SLC37A2: variants seen among roughly 807,000 people sequenced by gnomAD.
The protein encoded by SLC37A2 is glucose-6-phosphate exchanger SLC37A2.
A neutral mutation model predicts 70.7 loss-of-function variants in SLC37A2; 59 were observed. The observed-to-expected ratio is 0.83, with a 90% CI of 0.68 to 1.04. The LOEUF (loss-of-function observed/expected upper bound fraction) is 1.04. Ranked by LOEUF, SLC37A2 falls within the 50% of genes least tolerant of loss-of-function variation. The pLI is 0.00. For missense variants in SLC37A2, 580 were observed against 658.1 expected, an observed-to-expected ratio of 0.88 and a Z score of 1.30; for synonymous variants, 257 against 262.1, an observed-to-expected ratio of 0.98 and a Z score of 0.19.
chr11:125,071,877 T>C (rs1355191220), intron 1 of SLC37A2, among the ~76,000 whole-genome samples: 1 of 152,158 alleles, frequency 6.6e-6, no homozygotes, highest in Non-Finnish European at 1.5e-5. Flanking sequence ...CTGTCACCAT[T>C]GACCCTAGCT....
Position 125,080,522 on chromosome 11 carries a change from C to T in SLC37A2, c.528-92C>T, listed in dbSNP as rs1949134590. 1.6e-6 allele frequency: 2 copies of T among 1,253,598 alleles called. No homozygotes were observed. Among genetic ancestry groups the T allele is most frequent in the African/African-American group, 1.5e-5 (1 of 64,798 alleles). 77.7% of individuals were successfully genotyped at this position (1,253,598 alleles called of 1,614,324 possible). The stretch of plus-strand genomic sequence containing the variant: ...GTGCCTCGGGGAAGCTGTAGTCAGC[C>T]CAGCTTTAGAGCTTGGCTGGGGCAG... On this transcript the variant is annotated intron_variant, in intron 6 of 17. Coordinates refer to ENST00000403796, the MANE Select transcript of SLC37A2 (RefSeq NM_001145290.2). This position sits in a 1 kb window ranked among gnomAD's most constrained non-coding sequence, Gnocchi z 4.3.
intron 16 of SLC37A2, 110 bp downstream of exon 16, chr11:125,085,784 C>A: frequency 7.6e-7 from 1 of 1,318,910 alleles, no homozygotes; most frequent in Non-Finnish European, 1.1e-6. Context: ...GCAATGAGAG[C>A]AGCTGCCCTT....
chr11:125,072,373 G>T (rs73024305), intron 1 of SLC37A2, among the ~76,000 whole-genome samples: 3 of 152,134 alleles, frequency 2.0e-5, no homozygotes, highest in Non-Finnish European at 4.4e-5. Flanking sequence ...TATCCGGTGG[G>T]GGGGAGGTGG....
chr11:125,085,347 T>A (rs968108696), intron 14 of SLC37A2, 48 bp from the exon 15 acceptor site: 1 of 1,577,522 alleles, frequency 6.3e-7, no homozygotes, highest in Non-Finnish European at 8.7e-7. Context: ...CTGGTTCTGC[T>A]CATGCTGCTG....
At chr11:125,087,987 C>T in intron 17 of SLC37A2, 132 bp from the exon 18 acceptor site, 1 of 950,116 alleles carries the variant, frequency 1.1e-6, no homozygotes. Flanking sequence ...GAAAGGGAGG[C>T]CTCATTACAG....
intron 1 of SLC37A2, among the ~76,000 whole-genome samples, chr11:125,073,745 C>A (rs1949053093): frequency 6.6e-6 from 1 of 152,266 alleles, no homozygotes; most frequent in Non-Finnish European, 1.5e-5. Context: ...ACATCCACCA[C>A]CTGGGTTCCC....
chr11:125,073,166 A>G (rs566357142), intron 1 of SLC37A2, among the ~76,000 whole-genome samples: 1 of 152,156 alleles, frequency 6.6e-6, no homozygotes, highest in Non-Finnish European at 1.5e-5. Context: ...GTCAGGATGC[A>G]CGTGGGGACC....
Position 125,083,743 on chromosome 11 carries a change from G to A in SLC37A2, c.977-72G>A. On this transcript the variant is annotated intron_variant, in intron 10 of 17. Transcript: ENST00000403796. This position sits in a 1 kb window ranked among gnomAD's most constrained non-coding sequence, Gnocchi z 4.6. The stretch of plus-strand genomic sequence containing the variant: ...AGTGGTCTGGATCACGCTCTGCAGG[G>A]CTTCTAGCTGTGACACTCCAGGATG... The A allele has an allele frequency of 7.4e-7, 1 of 1,355,142 alleles. No homozygotes were observed. 83.9% of individuals were successfully genotyped at this position (1,355,142 alleles called of 1,614,324 possible).
rs1949205063 is a variant in SLC37A2 at position 125,085,674 on chromosome 11, G to A, written c.1425G>A (p.Leu475=). 2 of 1,612,132 alleles carry A rather than the reference G, an allele frequency of 1.2e-6. No homozygotes were observed. The highest frequency in any genetic ancestry group is 1.1e-5 in the South Asian group (1 of 91,080). ...MLISADVLAC[L]LLCRLVYKEI... Reference sequence around the variant, plus strand: ...TCTCTGCCGACGTCCTAGCCTGCTTGGTAAGAGTCTTGGGGTACACAGATA... The same window carrying A: ...TCTCTGCCGACGTCCTAGCCTGCTTAGTAAGAGTCTTGGGGTACACAGATA... The change falls in exon 16 of 18, where the codon TTG becomes TTA. Residue 475 remains leucine, a splice_region_variant and synonymous_variant. Coordinates refer to ENST00000403796, the MANE Select transcript of SLC37A2 (RefSeq NM_001145290.2).
intron 1 of SLC37A2, among the ~76,000 whole-genome samples, chr11:125,065,106 C>T (rs1303124362): frequency 6.6e-6 from 1 of 152,182 alleles, no homozygotes; most frequent in Non-Finnish European, 1.5e-5. Flanking sequence ...CAGTTACCTA[C>T]CACTTCAAAG....
intron 13 of SLC37A2, 75 bp downstream of exon 13, chr11:125,084,948 G>C: frequency 1.9e-6 from 3 of 1,596,046 alleles, no homozygotes; most frequent in Non-Finnish European, 2.6e-6. Flanking sequence ...GCTGGCCCAC[G>C]GGGGGCACTG....
At chr11:125,081,383 G>T (rs745736373) in intron 7 of SLC37A2, 38 bp from the exon 8 acceptor site, 1 of 1,590,914 alleles carries the variant, frequency 6.3e-7, no homozygotes, top group Admixed American at 1.7e-5. Context: ...GGGGGGCGGG[G>T]GTTGGGAAAC....
In SLC37A2 at chr11:125,080,493, T is replaced by C; in HGVS notation, c.528-121T>C. On this transcript the variant is annotated intron_variant, in intron 6 of 17. Transcript: ENST00000403796. This position sits in a 1 kb window ranked among gnomAD's most constrained non-coding sequence, Gnocchi z 4.3. ...GCTGACTTGGGGCTTTGGGGCTGTC[T>C]TTGGTGCCTCGGGGAAGCTGTAGTC... The C allele has an allele frequency of 1.0e-6, 1 of 967,792 alleles. No homozygotes were observed. Among genetic ancestry groups the C allele is most frequent in the Non-Finnish European group, 1.4e-6 (1 of 711,596 alleles). 60.0% of individuals were successfully genotyped at this position (967,792 alleles called of 1,614,324 possible).
chr11:125,084,742 A>G, intron 12 of SLC37A2, 83 bp from the exon 13 acceptor site: 1 of 1,415,862 alleles, frequency 7.1e-7, no homozygotes, highest in East Asian at 2.3e-5. Flanking sequence ...GTTTCAGGGC[A>G]GGAGATGGTT....
At position 125,083,472 on chromosome 11, in the gene SLC37A2, GAA is replaced by G; in HGVS notation, c.977-341_977-340del. ...GCTGCTAGGGCCGGAGTGAAGCAGA[GAA>G]AGGGCTGGGCTGAGCTTCAGGTTGC... On this transcript the variant is annotated intron_variant, in intron 10 of 17. Transcript: ENST00000403796. The surrounding 1 kb of genome is among the most constrained non-coding windows in gnomAD (Gnocchi z 4.6). 1 of 257,246 alleles carries G rather than the reference GAA, an allele frequency of 3.9e-6. No homozygotes were observed. Among genetic ancestry groups the G allele is most frequent in the South Asian group, 6.6e-5 (1 of 15,146 alleles). The allele number at this position is 257,246 out of a possible 1,614,324, so 15.9% of individuals were successfully genotyped here. A position where few individuals can be genotyped will look rare whatever the true frequency, so the allele number is the denominator to read the frequency against.
Position 125,076,848 on chromosome 11 carries a change from G to C in SLC37A2, c.141+10G>C. The C allele has an allele frequency of 6.2e-7, 1 of 1,613,830 alleles. No individual in the cohort carries two copies. The highest frequency in any genetic ancestry group is 8.5e-7 in the Non-Finnish European group (1 of 1,179,818). On this transcript the variant is annotated intron_variant, in intron 2 of 17. Transcript: ENST00000403796. ...TATCAGTATCGTCAAGGTGAGGCTG[G>C]CTGGCAGCAAGGAAGAGTGCAGAAG...
Position 125,063,365 on chromosome 11 carries a change from A to T in SLC37A2, c.-3A>T. On this transcript the variant is annotated 5_prime_UTR_variant, in exon 1 of 18. Coordinates refer to ENST00000403796, the MANE Select transcript of SLC37A2 (RefSeq NM_001145290.2). This position sits in a 1 kb window ranked among gnomAD's most constrained non-coding sequence, Gnocchi z 5.4. ...ACTCAGCCTTAGGTACCGGTCAGGC[A>T]AAATGCGGTCCTCCCTGGCTCCGGG... is the stretch of plus-strand genomic sequence containing the variant. The T allele has an allele frequency of 6.2e-7, 1 of 1,611,440 alleles. No homozygotes were observed. The highest frequency in any genetic ancestry group is 8.5e-7 in the Non-Finnish European group (1 of 1,179,030).
rs1391042092 is a variant in SLC37A2 at position 125,079,099 on chromosome 11, T to C, written c.315-13T>C. The C allele has an allele frequency of 3.7e-6, 6 of 1,613,970 alleles. No individual in the cohort carries two copies. Among genetic ancestry groups the C allele is most frequent in the Admixed American group, 3.3e-5 (2 of 60,002 alleles). Reference sequence around the variant, plus strand: ...GAGGAGCTTAACCGCAGATCCAACTTTCTCTTCCCCAGTGGGGTTTTTGGG... The same window carrying C: ...GAGGAGCTTAACCGCAGATCCAACTCTCTCTTCCCCAGTGGGGTTTTTGGG... On this transcript the variant is annotated splice_polypyrimidine_tract_variant and intron_variant, in intron 4 of 17. Coordinates refer to ENST00000403796, the MANE Select transcript of SLC37A2 (RefSeq NM_001145290.2).
intron 11 of SLC37A2, 48 bp from the exon 12 acceptor site, chr11:125,084,186 G>A: frequency 6.2e-7 from 1 of 1,604,220 alleles, no homozygotes; most frequent in Non-Finnish European, 8.5e-7. Context: ...GCGAGGGGAT[G>A]GCAGGGTCCT....
Sources: allele counts gnomAD v4.1 joint callset (sites outside exome capture counted in the v4.1 genomes callset), GRCh38; gene constraint gnomAD v4.1.1; non-coding constraint Gnocchi (gnomAD v3.1); transcripts MANE v1.5; gene names NCBI Gene and HGNC (gene_info 2026-07-23, HGNC 2026-07-21).